ESRRG: variants seen among roughly 807,000 people sequenced by gnomAD.
ESRRG encodes the protein estrogen-related receptor gamma.
ESRRG carries 13 observed loss-of-function variants against 44.0 expected under a neutral mutation model. The observed-to-expected ratio is 0.30, with a 90% CI of 0.19 to 0.47. The LOEUF is 0.47. Among genes scored for constraint, ESRRG ranks in the 20% least tolerant of loss-of-function variants. The probability of loss-of-function intolerance (pLI) is 1.00; values close to 1 mark genes in which losing one functional copy is unlikely to be tolerated. For synonymous variants in ESRRG, 215 were observed against 214.6 expected, an observed-to-expected ratio of 1.00 and a Z score of -0.02; for missense variants, 395 against 580.6, an observed-to-expected ratio of 0.68 and a Z score of 3.29.
At chr1:217,050,122 G>C (rs572785447) in intron 1 of ESRRG, among the ~76,000 whole-genome samples, 65 of 152,132 alleles carry the variant, frequency 4.3e-4, no homozygotes, top group Admixed American at 4.6e-4. Flanking sequence ...CTTATTAGAA[G>C]GCAATCTTAC....
intron 1 of ESRRG, among the ~76,000 whole-genome samples, chr1:216,990,018 T>C (rs74141717): frequency 0.024 from 3,659 of 152,234 alleles, 109 homozygotes; most frequent in African/African-American, 0.07. Flanking sequence ...AGGTACATAA[T>C]GATCTACAGA....
chr1:217,015,870 C>T (rs2079294994), intron 1 of ESRRG, among the ~76,000 whole-genome samples: 1 of 152,016 alleles, frequency 6.6e-6, no homozygotes, highest in African/African-American at 2.4e-5. Context: ...TCTGGGATTA[C>T]AGGCGCATGC....
chr1:216,981,069 C>T (rs1004757509), intron 1 of ESRRG, among the ~76,000 whole-genome samples: 4 of 152,152 alleles, frequency 2.6e-5, no homozygotes, highest in African/African-American at 4.8e-5. Flanking sequence ...TCACTAATTA[C>T]GTAGCAGAGT....
chr1:216,563,379 G>A (rs2149530764), intron 5 of ESRRG, among the ~76,000 whole-genome samples: 2 of 152,246 alleles, frequency 1.3e-5, no homozygotes, highest in South Asian at 4.2e-4. Flanking sequence ...CAATAAATTG[G>A]TTTCAGTGTG....
chr1:216,708,716 A>T (rs1423250492), intron 1 of ESRRG, among the ~76,000 whole-genome samples: 1 of 152,210 alleles, frequency 6.6e-6, no homozygotes, highest in Non-Finnish European at 1.5e-5. Flanking sequence ...ATTACTGGGT[A>T]TATACTCAAA....
intron 2 of ESRRG, among the ~76,000 whole-genome samples, chr1:216,938,664 C>T (rs552308097): frequency 6.6e-6 from 1 of 152,152 alleles, no homozygotes; most frequent in African/African-American, 2.4e-5. Context: ...CTAGCAAGTA[C>T]CATTGAAAGG....
At chr1:217,111,951 C>T (rs2092666228) in intron 1 of ESRRG, among the ~76,000 whole-genome samples, 1 of 151,930 alleles carries the variant, frequency 6.6e-6, no homozygotes, top group African/African-American at 2.4e-5. Context: ...CGTTCTCTCT[C>T]AGGACATTCC....
intron 3 of ESRRG, among the ~76,000 whole-genome samples, chr1:216,604,125 A>C (rs571031279): frequency 2.0e-5 from 3 of 152,192 alleles, no homozygotes; most frequent in Non-Finnish European, 4.4e-5. Flanking sequence ...AAACCACAGT[A>C]GGCACTTCAA....
chr1:216,703,707 G>C (rs1473941180), intron 1 of ESRRG, among the ~76,000 whole-genome samples: 1 of 151,420 alleles, frequency 6.6e-6, no homozygotes, highest in Non-Finnish European at 1.5e-5. Flanking sequence ...GTATGTTTCT[G>C]TGTGTTTGTG....
At chr1:216,568,212 A>C (rs1468311075) in intron 3 of ESRRG, 114 bp from the exon 4 acceptor site, 1 of 764,096 alleles carries the variant, frequency 1.3e-6, no homozygotes, top group Non-Finnish European at 2.3e-6. Flanking sequence ...AGAATGCAGA[A>C]TGGACCAGGG....
intron 2 of ESRRG, among the ~76,000 whole-genome samples, chr1:216,819,378 C>CTGT (rs35515143): frequency 0.56 from 84,862 of 151,760 alleles, 24,294 homozygotes; most frequent in Non-Finnish European, 0.62. Context: ...TTAAAGTTTT[C>CTGT]TGTATATCTT....
intron 1 of ESRRG, among the ~76,000 whole-genome samples, chr1:216,947,082 A>AT (rs1182394179): frequency 3.9e-5 from 6 of 151,968 alleles, no homozygotes; most frequent in East Asian, 3.9e-4. Flanking sequence ...CTTAGCATCT[A>AT]TTTTTTTTAA....
At chr1:216,760,589 G>A (rs2092716370) in intron 2 of ESRRG, among the ~76,000 whole-genome samples, 1 of 151,808 alleles carries the variant, frequency 6.6e-6, no homozygotes. Flanking sequence ...GGTGACACAG[G>A]GAGGTCTTTT....
At chr1:216,931,646 C>G (rs567181963) in intron 2 of ESRRG, among the ~76,000 whole-genome samples, 4 of 152,144 alleles carry the variant, frequency 2.6e-5, no homozygotes, top group African/African-American at 9.7e-5. Flanking sequence ...TCTGAACACC[C>G]TTGGTTACTG....
upstream of ESRRG, among the ~76,000 whole-genome samples, chr1:216,726,917 T>C (rs2087644824): frequency 6.6e-6 from 1 of 152,230 alleles, no homozygotes. Flanking sequence ...TCTAGTCATA[T>C]ACACCAGACA....
At chr1:217,042,979 G>A (rs932327704) in intron 1 of ESRRG, among the ~76,000 whole-genome samples, 4 of 152,068 alleles carry the variant, frequency 2.6e-5, no homozygotes, top group Middle Eastern at 3.4e-3. Flanking sequence ...CTCTTTACTC[G>A]GTGGCCTGAT....
At position 216,607,146 on chromosome 1, in the gene ESRRG, C is replaced by A. The variant is rs76153914; in HGVS notation, c.590-39048G>T. Among the ~76,000 whole-genome samples, 549 of 152,254 alleles carry A rather than the reference C, an allele frequency of 3.6e-3. 21 individuals carry two copies. The East Asian group carries it at 0.081, about 23-fold the overall frequency. Reference sequence around the variant, plus strand: ...GTTACCTAGAAAGTATAAAAGAAATCTTGTCTATTCCAATGACATTCAGAC... The same window carrying A: ...GTTACCTAGAAAGTATAAAAGAAATATTGTCTATTCCAATGACATTCAGAC... On this transcript the variant is annotated intron_variant, in intron 3 of 6. Transcript: ENST00000408911.
chr1:216,612,205 C>T (rs1241177745), intron 3 of ESRRG, among the ~76,000 whole-genome samples: 1 of 152,116 alleles, frequency 6.6e-6, no homozygotes, highest in East Asian at 1.9e-4. Flanking sequence ...AAAAGATACT[C>T]TGTAGGTAGA....
chr1:217,103,052 T>C (rs781146581), intron 1 of ESRRG, among the ~76,000 whole-genome samples: 3 of 152,156 alleles, frequency 2.0e-5, no homozygotes, highest in Non-Finnish European at 4.4e-5. Context: ...GTCAAATAAT[T>C]CTGTCATTCT....
Sources: allele counts gnomAD v4.1 joint callset (sites outside exome capture counted in the v4.1 genomes callset), GRCh38; gene constraint gnomAD v4.1.1; transcripts MANE v1.5; gene names NCBI Gene and HGNC (gene_info 2026-07-23, HGNC 2026-07-21).